Variants in IGSF11 observed in about 807,000 individuals in gnomAD.
IGSF11 encodes the protein CXADR like 1.
Under a neutral mutation model 41.0 loss-of-function variants are expected in IGSF11, and 22 were observed. That is an observed-to-expected ratio of 0.54 (90% confidence interval 0.38 to 0.77). The LOEUF (loss-of-function observed/expected upper bound fraction) is 0.77. Ranked by LOEUF, IGSF11 falls within the 30% of genes least tolerant of loss-of-function variation. The pLI is 0.00. For missense variants in IGSF11, 444 were observed against 530.8 expected (o/e 0.84, Z 1.61); for synonymous variants, 219 against 201.3 (o/e 1.09, Z -0.74).
chr3:119,010,089 A>C (rs1937925862), intron 1 of IGSF11, among the ~76,000 whole-genome samples: 1 of 152,234 alleles, frequency 6.6e-6, no homozygotes, highest in Admixed American at 6.5e-5. Context: ...AGTCATGCAG[A>C]GAAGAGTCAT....
At chr3:119,013,756 T>C (rs1938389618) in intron 1 of IGSF11, among the ~76,000 whole-genome samples, 1 of 152,194 alleles carries the variant, frequency 6.6e-6, no homozygotes, top group Non-Finnish European at 1.5e-5. Flanking sequence ...CATTTTACAG[T>C]GGACAACGTG....
At chr3:118,903,323 T>C (rs986531883) in intron 6 of IGSF11, among the ~76,000 whole-genome samples, 1 of 151,856 alleles carries the variant, frequency 6.6e-6, no homozygotes, top group Non-Finnish European at 1.5e-5. Context: ...TCTTGCTTTA[T>C]ATATATAGTA....
chr3:118,921,457 A>G (rs1012835139), intron 4 of IGSF11, among the ~76,000 whole-genome samples: 2 of 152,218 alleles, frequency 1.3e-5, no homozygotes, highest in Admixed American at 1.3e-4. Flanking sequence ...GAGACTAAAT[A>G]CAGAGTTTAA....
intron 1 of IGSF11, among the ~76,000 whole-genome samples, chr3:119,051,179 A>G (rs1941612063): frequency 6.6e-6 from 1 of 150,912 alleles, no homozygotes. Context: ...AAATAAATAA[A>G]TTTCAAAAAA....
chr3:119,074,781 G>A (rs184981026), intron 1 of IGSF11, among the ~76,000 whole-genome samples: 7 of 152,174 alleles, frequency 4.6e-5, no homozygotes, highest in Admixed American at 1.3e-4. Context: ...GAACCTGGGA[G>A]GCGGAGCTTG....
chr3:119,029,237 T>TACACACACACACACAC (rs10662902), intron 1 of IGSF11, among the ~76,000 whole-genome samples: 7 of 123,142 alleles, frequency 5.7e-5, no homozygotes, highest in Admixed American at 2.6e-4. Context: ...CTTTTGGGAA[T>TACACACACACACACAC]ACACACACAC....
intron 3 of IGSF11, 88 bp downstream of exon 3, chr3:118,928,421 A>G (rs777482146): frequency 2.8e-5 from 26 of 922,374 alleles, no homozygotes; most frequent in Non-Finnish European, 4.0e-5. Flanking sequence ...AGCAGACTGA[A>G]GGTGTAGAAA....
intron 1 of IGSF11, among the ~76,000 whole-genome samples, chr3:118,930,546 C>A (rs75327105): frequency 2.6e-5 from 4 of 152,044 alleles, no homozygotes; most frequent in Admixed American, 2.0e-4. Flanking sequence ...GATTCAAATA[C>A]GACACAGATG....
intron 1 of IGSF11, among the ~76,000 whole-genome samples, chr3:119,084,905 G>A (rs2076645694): frequency 6.6e-6 from 1 of 152,196 alleles, no homozygotes; most frequent in Admixed American, 6.5e-5. Context: ...ACTTGAGCTG[G>A]GGAGGAGCCC....
intron 1 of IGSF11, among the ~76,000 whole-genome samples, chr3:118,937,552 G>T (rs752677218): frequency 7.9e-5 from 12 of 151,790 alleles, no homozygotes; most frequent in Non-Finnish European, 1.5e-4. Context: ...TTATATTTTG[G>T]CCATCTACTC....
chr3:118,924,523 G>T (rs1287861883), intron 4 of IGSF11, among the ~76,000 whole-genome samples: 2 of 152,014 alleles, frequency 1.3e-5, no homozygotes, highest in African/African-American at 4.8e-5. Context: ...AAGTAACTTT[G>T]ATAATCAATC....
intron 4 of IGSF11, among the ~76,000 whole-genome samples, chr3:118,908,057 G>C (rs1939827873): frequency 6.6e-6 from 1 of 152,114 alleles, no homozygotes. Context: ...GTTGGTAGTG[G>C]TGGTGGTGGG....
rs1309953836 is a variant in IGSF11, at chr3:119,006,002, C to T, written c.52+28529G>A. On this transcript the variant is annotated intron_variant, in intron 1 of 6. Transcript: ENST00000393775. ...GTTCTCTGTATTTCCTGAATCTGAA[C>T]GTTGGCCTGCCTTGCTAGATTGGGG... is the stretch of plus-strand genomic sequence containing the variant. Among the ~76,000 whole-genome samples, 198 of 120,740 alleles carry T rather than the reference C, an allele frequency of 1.6e-3. 2 individuals are homozygous for T. The highest frequency in any genetic ancestry group is 4.7e-3 in the African/African-American group (118 of 25,334). The allele number at this position is 120,740 out of a possible 152,430, so 79.2% of individuals were successfully genotyped here. A position where few individuals can be genotyped will look rare whatever the true frequency, so the allele number is the denominator to read the frequency against.
intron 1 of IGSF11, among the ~76,000 whole-genome samples, chr3:119,118,226 G>A (rs997881092): frequency 5.3e-5 from 8 of 152,206 alleles, no homozygotes; most frequent in Non-Finnish European, 1.2e-4. Context: ...CCTAGCAAAG[G>A]TTCTCCAAGA....
intron 1 of IGSF11, among the ~76,000 whole-genome samples, chr3:119,110,417 G>A (rs941312639): frequency 1.3e-5 from 2 of 152,080 alleles, no homozygotes; most frequent in Admixed American, 6.5e-5. Flanking sequence ...TACAACCCCT[G>A]CCTTTTTTTG....
intron 1 of IGSF11, chr3:118,947,562 G>A (rs1480984904): frequency 2.0e-5 from 3 of 152,104 alleles, no homozygotes; most frequent in Admixed American, 1.3e-4. Flanking sequence ...ATAAGATAAA[G>A]CTGGCTATAA....
intron 1 of IGSF11, among the ~76,000 whole-genome samples, chr3:119,111,592 G>A (rs1395176665): frequency 2.0e-5 from 3 of 152,192 alleles, no homozygotes; most frequent in East Asian, 1.9e-4. Flanking sequence ...CTCTCAACTC[G>A]TCAAAGTCAT....
At chr3:119,047,172 A>G (rs1299812505) in intron 1 of IGSF11, among the ~76,000 whole-genome samples, 1 of 151,032 alleles carries the variant, frequency 6.6e-6, no homozygotes, top group Admixed American at 6.6e-5. Flanking sequence ...TAAATGGACT[A>G]AATGCTCCAA....
intron 4 of IGSF11, among the ~76,000 whole-genome samples, chr3:118,917,841 T>G (rs1487119314): frequency 6.7e-6 from 1 of 149,148 alleles, no homozygotes; most frequent in South Asian, 2.2e-4. Context: ...TGATGAACAT[T>G]GATGCAAAAA....
Sources: gnomAD v4.1 joint callset for allele counts (sites outside exome capture counted in the v4.1 genomes callset) on GRCh38, gnomAD v4.1.1 for gene constraint, MANE v1.5 for transcripts, NCBI Gene and HGNC (gene_info 2026-07-23, HGNC 2026-07-21) for gene names.